The following NXF1 variants were observed in gnomAD, a reference collection of about 807,000 sequenced individuals.
The protein encoded by NXF1 is nuclear RNA export factor 1, also known as mRNA export factor TAP.
Under a neutral mutation model 92.4 loss-of-function variants are expected in NXF1, and 43 were observed. That is an observed-to-expected ratio of 0.47 (90% CI 0.36 to 0.60). The LOEUF is 0.60. Ranked by LOEUF, NXF1 falls within the 20% of genes least tolerant of loss-of-function variation. The pLI, the probability that NXF1 is intolerant of heterozygous loss-of-function variation, is 0.00. For synonymous variants in NXF1, 288 were observed against 292.2 expected, an observed-to-expected ratio of 0.99 and a Z score of 0.15; for missense variants, 576 against 793.0, an observed-to-expected ratio of 0.73 and a Z score of 3.29.
In NXF1 at chr11:62,801,625, T is replaced by C; in HGVS notation, c.646A>G (p.Met216Val). The C allele has an allele frequency of 6.2e-7, 1 of 1,612,444 alleles. No homozygotes were observed. The highest frequency in any genetic ancestry group is 8.5e-7 in the Non-Finnish European group (1 of 1,179,816). Residue 216 changes from methionine to valine, a missense_variant, in exon 7 of 21, where the codon ATG becomes GTG. Met to Val is a conservative substitution (Grantham distance 21). This residue lies in a region of NXF1 where 425 missense variants were observed against 635.2 expected (regional missense o/e 0.67). Transcript: ENST00000294172. ...PEQVEQLKLI[M>V]SKRYDGSQQA... is the part of the protein sequence containing the mutation. ...TGGGAGCCATCGTATCGTTTGCTCATGATCAGCTAGAGGAAAAAGAAGGGT... is the reference window on the plus strand; with the variant it reads ...TGGGAGCCATCGTATCGTTTGCTCACGATCAGCTAGAGGAAAAAGAAGGGT...
chr11:62,801,748 T>G lies in NXF1; in HGVS notation c.630A>C (p.Glu210Asp). 1 of 1,613,826 alleles carries G rather than the reference T, an allele frequency of 6.2e-7. No homozygotes were observed. The highest frequency in any genetic ancestry group is 8.5e-7 in the Non-Finnish European group (1 of 1,179,706). Reference sequence around the variant, plus strand: ...TTTGAGCCTGCCTCACCTTTAGCTGTTCTACTTGTTCTGGCTTCAGTTCAT... The same window carrying G: ...TTTGAGCCTGCCTCACCTTTAGCTGGTCTACTTGTTCTGGCTTCAGTTCAT... ...ILNELKPEQV[E>D]QLKLIMSKRY... The change falls in exon 6 of 21, where the codon GAA (glutamate) becomes GAC (aspartate). Residue 210 changes from glutamate (E) to aspartate (D), a missense_variant. Physicochemically the swap from Glu to Asp is conservative, Grantham distance 45. Around this residue, in one of 2 missense-constraint regions of NXF1, gnomAD observed 425 missense variants for 635.2 expected, o/e 0.67. Coordinates refer to ENST00000294172, the MANE Select transcript of NXF1 (RefSeq NM_006362.5).
intron 20 of NXF1, 26 bp downstream of exon 20, chr11:62,792,615 T>C (rs1457838291): frequency 5.6e-6 from 9 of 1,614,036 alleles, no homozygotes; most frequent in Non-Finnish European, 7.6e-6. Flanking sequence ...TCCTAGTCTT[T>C]TTGCCACTGT....
chr11:62,799,589 C>T, intron 10 of NXF1: 1 of 985,762 alleles, frequency 1.0e-6, no homozygotes, highest in Non-Finnish European at 1.2e-6. Context: ...CAGCCATCCA[C>T]CGGGGCCAAA....
Position 62,796,176 on chromosome 11 carries a change from G to C in NXF1, c.1351C>G (p.Arg451Gly). The change falls in exon 16 of 21, where the codon CGG becomes GGG. Residue 451 changes from arginine to glycine, a missense_variant. Arg to Gly is a moderately radical substitution (Grantham distance 125). This residue lies in a region of NXF1 where 425 missense variants were observed against 635.2 expected (regional missense o/e 0.67). Coordinates refer to ENST00000294172, the MANE Select transcript of NXF1 (RefSeq NM_006362.5). ...CGCGTGTGCTTCAGCAGCCGGAACC[G>C]CAAGGCTGTGGGTAGAGGAGAAAGC... Reference protein sequence around the residue: ...NVKKLKDPTLRFRLLKHTRLN... With the variant: ...NVKKLKDPTLGFRLLKHTRLN... 3.7e-6 allele frequency: 6 copies of C among 1,614,142 alleles called. No homozygotes were observed. The highest frequency in any genetic ancestry group is 5.1e-6 in the Non-Finnish European group (6 of 1,179,992).
rs1378608598 is a variant in NXF1, at chr11:62,792,218, G to C, written c.*258C>G. ...AAAAGTAAGGAGGTCCTGGGGTTAA[G>C]TACACAAAGCACCTAAGTCCTTCGG... On this transcript the variant is annotated 3_prime_UTR_variant, in exon 21 of 21. Coordinates refer to ENST00000294172, the MANE Select transcript of NXF1 (RefSeq NM_006362.5). 3 of 655,878 alleles carry C rather than the reference G, an allele frequency of 4.6e-6. No homozygotes were observed. The East Asian group carries it at 7.9e-5, about 17-fold the overall frequency. 40.6% of individuals were successfully genotyped at this position (655,878 alleles called of 1,614,324 possible).
rs369611028 is a variant in NXF1 at position 62,805,414 on chromosome 11, T to A, written c.-58A>T. On this transcript the variant is annotated 5_prime_UTR_variant, in exon 1 of 21. Coordinates refer to ENST00000294172, the MANE Select transcript of NXF1 (RefSeq NM_006362.5). ...CTGGCCGCTACGCCGGCAAACAACC[T>A]AACTCCCAAGCGCTCAGGACCGAAG... 1 of 1,604,862 alleles carries A rather than the reference T, an allele frequency of 6.2e-7. No homozygotes were observed. Among genetic ancestry groups the A allele is most frequent in the Non-Finnish European group, 8.5e-7 (1 of 1,176,082 alleles).
chr11:62,794,465 A>G, intron 18 of NXF1, 25 bp from the exon 19 acceptor site: 1 of 1,590,484 alleles, frequency 6.3e-7, no homozygotes, highest in Non-Finnish European at 8.6e-7. Flanking sequence ...GCACTTAAAA[A>G]GCTAGACAGA....
At chr11:62,800,613 T>C in intron 9 of NXF1, 127 bp from the exon 10 acceptor site, 2 of 636,010 alleles carry the variant, frequency 3.1e-6, no homozygotes, top group Non-Finnish European at 5.3e-6. Context: ...TTCTTTTTTT[T>C]TTTTTTTTGG....
chr11:62,799,795 C>T, intron 10 of NXF1: 1 of 985,996 alleles, frequency 1.0e-6, no homozygotes, highest in Non-Finnish European at 1.2e-6. Context: ...GAGCCCAGCT[C>T]ATAGCACTGG....
At chr11:62,796,689 T>C in intron 13 of NXF1, 122 bp from the exon 14 acceptor site, 1 of 679,050 alleles carries the variant, frequency 1.5e-6, no homozygotes, top group East Asian at 2.7e-5. Flanking sequence ...CCCAGCACTT[T>C]GGGAGGCTGA....
rs2084372088 is a variant in NXF1, at chr11:62,792,257, A to G, written c.*219T>C. The G allele has an allele frequency of 2.9e-6, 2 of 701,194 alleles. No homozygotes were observed. The highest frequency in any genetic ancestry group is 1.8e-5 in the African/African-American group (1 of 56,572). The allele number at this position is 701,194 out of a possible 1,614,324, so 43.4% of individuals were successfully genotyped here. ...TAAGTCCTTCGGGTAGTTTAGTGTCAGTTCTACAAAGTAAGCTTTGGCTTC... is the reference window on the plus strand; with the variant it reads ...TAAGTCCTTCGGGTAGTTTAGTGTCGGTTCTACAAAGTAAGCTTTGGCTTC... On this transcript the variant is annotated 3_prime_UTR_variant, in exon 21 of 21. Transcript: ENST00000294172.
At position 62,799,253 on chromosome 11, in the gene NXF1, A is replaced by G. The variant is rs1002582832; in HGVS notation, c.1017-678T>C. On this transcript the variant is annotated intron_variant, in intron 10 of 20. Transcript: ENST00000294172. ...AAAAGGGAGAAAGACACCCTGACACAGCCCTTTCTTTCAGCTGCCCCATCC... is the reference window on the plus strand; with the variant it reads ...AAAAGGGAGAAAGACACCCTGACACGGCCCTTTCTTTCAGCTGCCCCATCC... 10 of 985,524 alleles carry G rather than the reference A, an allele frequency of 1.0e-5. No homozygotes were observed. In the South Asian group the frequency reaches 2.8e-4, roughly 28 times the overall value. 61.0% of individuals were successfully genotyped at this position (985,524 alleles called of 1,614,324 possible). A position where few individuals can be genotyped will look rare whatever the true frequency, so the allele number is the denominator to read the frequency against.
At chr11:62,802,364 TAAAG>T (rs1223765834) in intron 3 of NXF1, 104 bp from the exon 4 acceptor site, 1 of 875,436 alleles carries the variant, frequency 1.1e-6, no homozygotes, top group African/African-American at 1.7e-5. Flanking sequence ...AAAGACTATC[TAAAG>T]AAAGGACCAG....
chr11:62,801,774 T>C lies in NXF1; in HGVS notation c.604A>G (p.Asn202Asp), dbSNP rs996072137. The C allele has an allele frequency of 1.9e-6, 3 of 1,613,816 alleles. No homozygotes were observed. Among genetic ancestry groups the C allele is most frequent in the Non-Finnish European group, 2.5e-6 (3 of 1,179,940 alleles). The change falls in exon 6 of 21, where the codon AAT becomes GAT. Residue 202 changes from asparagine to aspartate, a missense_variant. This residue lies in a region of NXF1 where 425 missense variants were observed against 635.2 expected (regional missense o/e 0.67). Transcript: ENST00000294172. ...TCTACTTGTTCTGGCTTCAGTTCATTCAGTATAGTGTGGGGTGGAGCAGAA... is the reference window on the plus strand; with the variant it reads ...TCTACTTGTTCTGGCTTCAGTTCATCCAGTATAGTGTGGGGTGGAGCAGAA... ...NSSAPPHTIL[N>D]ELKPEQVEQL...
At chr11:62,795,852 AGCTGGGGGTGGGACCAC>A (rs1183896867) in intron 17 of NXF1, 32 bp downstream of exon 17, 1 of 1,560,974 alleles carries the variant, frequency 6.4e-7, no homozygotes, top group African/African-American at 1.4e-5. Flanking sequence ...GGAAAATTCC[AGCTGGGGGTGGGACCAC>A]GCTACAAACT....
At chr11:62,803,180 G>T (rs1430027314) in intron 3 of NXF1, among the ~76,000 whole-genome samples, 3 of 152,094 alleles carry the variant, frequency 2.0e-5, no homozygotes, top group African/African-American at 7.2e-5. Context: ...TTAGCCGGGC[G>T]TGGTGGTGGG....
At chr11:62,805,200 C>T in intron 1 of NXF1, 129 bp downstream of exon 1, 1 of 800,656 alleles carries the variant, frequency 1.2e-6, no homozygotes, top group Non-Finnish European at 1.7e-6. Flanking sequence ...GAGTGCCCGG[C>T]CCCCCGCGCG....
chr11:62,799,922 G>C (rs1359856089), intron 10 of NXF1: 28 of 989,360 alleles, frequency 2.8e-5, no homozygotes, highest in Non-Finnish European at 3.1e-5. Flanking sequence ...GCAAGGGCAA[G>C]AGGGGCCATC....
chr11:62,802,176 C>A lies in NXF1; in HGVS notation c.453+1G>T. 6.2e-7 allele frequency: 1 copy of A among 1,614,150 alleles called. No homozygotes were observed. Among genetic ancestry groups the A allele is most frequent in the Non-Finnish European group, 8.5e-7 (1 of 1,179,970 alleles). Reference sequence around the variant, plus strand: ...AGCCAGCCACTCAGGCCTTGTCTTACCTCAATAGGGGTGAAGGGCACACTG... The same window carrying A: ...AGCCAGCCACTCAGGCCTTGTCTTAACTCAATAGGGGTGAAGGGCACACTG... On this transcript the variant is annotated splice_donor_variant, in intron 4 of 20. Coordinates refer to ENST00000294172, the MANE Select transcript of NXF1 (RefSeq NM_006362.5). LOFTEE classifies it high-confidence loss of function.
Sources: allele counts gnomAD v4.1 joint callset (sites outside exome capture counted in the v4.1 genomes callset), GRCh38; gene constraint gnomAD v4.1.1; regional missense constraint gnomAD v4.1.1; transcripts MANE v1.5; gene names NCBI Gene and HGNC (gene_info 2026-07-23, HGNC 2026-07-21).